NFILZ: variants seen among roughly 807,000 people sequenced by gnomAD.
NFILZ encodes NFIL3 like protein.
intron 5 of NFILZ, among the ~76,000 whole-genome samples, 103 bp from the exon 6 acceptor site, chr19:8,676,648 G>A (rs1555750740): frequency 6.6e-6 from 1 of 152,188 alleles, no homozygotes; most frequent in South Asian, 2.1e-4. Context: ...AACTCCACCT[G>A]TCCCCTCCAT....
rs1290542507 is a variant in NFILZ at position 8,680,083 on chromosome 19, C to T, written c.*2448C>T. 1.3e-5 allele frequency among the ~76,000 whole-genome samples: 2 copies of T among 151,478 alleles called. No individual in the cohort carries two copies. Among genetic ancestry groups the T allele is most frequent in the African/African-American group, 4.9e-5 (2 of 41,202 alleles). ...TGGTAGCGAGCGCCTGTAATCTCAGCTACTTGGGAGGCTGAGGCATGAAAA... is the reference window on the plus strand; with the variant it reads ...TGGTAGCGAGCGCCTGTAATCTCAGTTACTTGGGAGGCTGAGGCATGAAAA... On this transcript the variant is annotated 3_prime_UTR_variant, in exon 6 of 6. Coordinates refer to ENST00000691075, the MANE Select transcript of NFILZ (RefSeq NM_001378600.1).
At chr19:8,672,723 G>T (rs2043094226) in intron 3 of NFILZ, among the ~76,000 whole-genome samples, 1 of 151,568 alleles carries the variant, frequency 6.6e-6, no homozygotes, top group South Asian at 2.1e-4. Context: ...AAATATTTAT[G>T]CATTAAATAG....
intron 3 of NFILZ, among the ~76,000 whole-genome samples, chr19:8,653,066 C>T (rs1179941760): frequency 0.022 from 2,796 of 124,350 alleles, 116 homozygotes; most frequent in East Asian, 0.14. Flanking sequence ...CTCTCTCTCT[C>T]TCTCTCTCTC....
chr19:8,678,134 C>T lies in NFILZ; in HGVS notation c.*499C>T, dbSNP rs1555750986. On this transcript the variant is annotated 3_prime_UTR_variant, in exon 6 of 6. Coordinates refer to ENST00000691075, the MANE Select transcript of NFILZ (RefSeq NM_001378600.1). ...CCATCCATCCATCCATCCCTCCATC[C>T]ATTCATCCACTTGTCCGTCCATCCA... Among the ~76,000 whole-genome samples, 25 of 9,968 alleles carry T rather than the reference C, an allele frequency of 2.5e-3. 2 individuals carry two copies. The highest frequency in any genetic ancestry group is 4.2e-3 in the African/African-American group (15 of 3,578). 6.5% of individuals were successfully genotyped at this position (9,968 alleles called of 152,430 possible).
intron 1 of NFILZ, among the ~76,000 whole-genome samples, chr19:8,631,830 T>TTATGTG (rs367777602): frequency 0.069 from 10,081 of 145,840 alleles, 491 homozygotes; most frequent in East Asian, 0.16. Flanking sequence ...GTCCTCGCTT[T>TTATGTG]TGTGTGTGTG....
At chr19:8,646,849 A>T (rs2042941036) in intron 3 of NFILZ, among the ~76,000 whole-genome samples, 1 of 152,112 alleles carries the variant, frequency 6.6e-6, no homozygotes, top group African/African-American at 2.4e-5. Flanking sequence ...TCCTCAGAGA[A>T]GTGACCCCTC....
At chr19:8,655,655 G>A (rs909560856) in intron 3 of NFILZ, among the ~76,000 whole-genome samples, 4 of 152,136 alleles carry the variant, frequency 2.6e-5, no homozygotes, top group Non-Finnish European at 4.4e-5. Context: ...GGGCTGGCCC[G>A]TTCAGGGGGC....
intron 4 of NFILZ, among the ~76,000 whole-genome samples, chr19:8,674,849 AT>A (rs1222710324): frequency 4.6e-5 from 7 of 152,188 alleles, no homozygotes; most frequent in Admixed American, 2.6e-4. Flanking sequence ...AAAAGACTAA[AT>A]TAGAATGTTG....
chr19:8,657,786 G>A (rs2918314), intron 3 of NFILZ, among the ~76,000 whole-genome samples: 9,683 of 152,226 alleles, frequency 0.064, 574 homozygotes, highest in East Asian at 0.33. Context: ...CTCAGACGGG[G>A]AGAGGAGGCA....
At chr19:8,663,790 TG>T (rs1231618644) in intron 3 of NFILZ, among the ~76,000 whole-genome samples, 14 of 32,036 alleles carry the variant, frequency 4.4e-4, no homozygotes, top group African/African-American at 1.9e-3. Flanking sequence ...GTGTTTGTTG[TG>T]GGGGGGACTT....
At chr19:8,670,422 C>T (rs917115508) in intron 3 of NFILZ, among the ~76,000 whole-genome samples, 1 of 152,036 alleles carries the variant, frequency 6.6e-6, no homozygotes, top group Non-Finnish European at 1.5e-5. Flanking sequence ...TAGAATAAAC[C>T]ATTAAACGTA....
At chr19:8,634,447 A>G (rs1370700192) in intron 2 of NFILZ, among the ~76,000 whole-genome samples, 7 of 152,124 alleles carry the variant, frequency 4.6e-5, no homozygotes, top group African/African-American at 1.4e-4. Context: ...CGTGACACCC[A>G]GCTAATTTTT....
chr19:8,633,021 C>CT lies in NFILZ; in HGVS notation c.-261+413dup, dbSNP rs140247462. Reference sequence around the variant, plus strand: ...TACAGGCATGAACCACTGCACCTGCCTTTTTTTTTTTTTTTTTGAGACAGA... The same window carrying CT: ...TACAGGCATGAACCACTGCACCTGCCTTTTTTTTTTTTTTTTTTGAGACAGA... On this transcript the variant is annotated intron_variant, in intron 2 of 5. Coordinates refer to ENST00000691075, the MANE Select transcript of NFILZ (RefSeq NM_001378600.1). Among the ~76,000 whole-genome samples, 755 of 118,454 alleles carry CT rather than the reference C, an allele frequency of 6.4e-3. 46 individuals are homozygous for CT. The highest frequency in any genetic ancestry group is 0.016 in the Middle Eastern group (2 of 128). 77.7% of individuals were successfully genotyped at this position (118,454 alleles called of 152,430 possible). A position where few individuals can be genotyped will look rare whatever the true frequency, so the allele number is the denominator to read the frequency against.
chr19:8,636,083 C>T (rs1285059152), intron 3 of NFILZ, among the ~76,000 whole-genome samples: 3 of 152,010 alleles, frequency 2.0e-5, no homozygotes, highest in African/African-American at 7.2e-5. Context: ...GTGTTCTACC[C>T]GGCTCATCCT....
intron 3 of NFILZ, among the ~76,000 whole-genome samples, chr19:8,651,564 C>G (rs2042965109): frequency 6.6e-6 from 1 of 152,166 alleles, no homozygotes. Context: ...CAGGGTCTCG[C>G]TCTGTTGCTC....
chr19:8,633,381 T>C lies in NFILZ; in HGVS notation c.-261+756T>C, dbSNP rs2042879421. Among the ~76,000 whole-genome samples, 6 of 152,128 alleles carry C rather than the reference T, an allele frequency of 3.9e-5. No homozygotes were observed. The South Asian group carries it at 1.2e-3, about 32-fold the overall frequency. On this transcript the variant is annotated intron_variant, in intron 2 of 5. Coordinates refer to ENST00000691075, the MANE Select transcript of NFILZ (RefSeq NM_001378600.1). Reference sequence around the variant, plus strand: ...ACTCCGTGGACTCTCCCTGAAATCTTTCTTGCGGGGGACCTAAGAACCCTC... The same window carrying C: ...ACTCCGTGGACTCTCCCTGAAATCTCTCTTGCGGGGGACCTAAGAACCCTC...
intron 3 of NFILZ, among the ~76,000 whole-genome samples, chr19:8,670,811 A>G (rs1265713046): frequency 6.6e-6 from 1 of 152,134 alleles, no homozygotes; most frequent in Non-Finnish European, 1.5e-5. Context: ...CGTGGCCAAC[A>G]TGGCAAAACC....
intron 3 of NFILZ, among the ~76,000 whole-genome samples, chr19:8,646,547 G>A (rs1555747084): frequency 6.6e-6 from 1 of 152,116 alleles, no homozygotes; most frequent in African/African-American, 2.4e-5. Context: ...CTGCATAACT[G>A]GAGAGAGGAA....
chr19:8,647,748 A>AACACACACACACAC (rs138740763), intron 3 of NFILZ, among the ~76,000 whole-genome samples: 4,636 of 137,114 alleles, frequency 0.034, 129 homozygotes, highest in African/African-American at 0.05. Context: ...GGAGGGGAAC[A>AACACACACACACAC]ACACACACAC....
Sources: gnomAD v4.1 joint callset for allele counts (sites outside exome capture counted in the v4.1 genomes callset) on GRCh38, gnomAD v4.1.1 for gene constraint, MANE v1.5 for transcripts, NCBI Gene and HGNC (gene_info 2026-07-23, HGNC 2026-07-21) for gene names.